KLHL1: variants seen among roughly 807,000 people sequenced by gnomAD.
The protein encoded by KLHL1 is kelch like family member 1.
A neutral mutation model predicts 77.7 loss-of-function variants in KLHL1; 47 were observed. The ratio of observed to expected loss-of-function variants is 0.60; its 90% CI spans 0.48 to 0.77. The LOEUF is 0.77. Ranked by LOEUF, KLHL1 falls within the 30% of genes least tolerant of loss-of-function variation. KLHL1 has a pLI of 0.00. For missense variants in KLHL1, 925 were observed against 910.8 expected, an observed-to-expected ratio of 1.02 and a Z score of -0.20; for synonymous variants, 360 against 325.2, an observed-to-expected ratio of 1.11 and a Z score of -1.15.
chr13:69,853,549 T>C (rs1219397471), intron 5 of KLHL1, among the ~76,000 whole-genome samples: 1 of 152,032 alleles, frequency 6.6e-6, no homozygotes, highest in African/African-American at 2.4e-5. Context: ...TCTTTACACA[T>C]GGCCCTCCTG....
chr13:69,899,843 A>G (rs1353893962), intron 4 of KLHL1, among the ~76,000 whole-genome samples: 2 of 152,188 alleles, frequency 1.3e-5, no homozygotes, highest in Middle Eastern at 3.4e-3. Context: ...AGCTCTCCAC[A>G]ATCTGGTAGA....
At chr13:70,097,133 TC>T (rs962226307) in intron 1 of KLHL1, among the ~76,000 whole-genome samples, 1 of 151,836 alleles carries the variant, frequency 6.6e-6, no homozygotes, top group Non-Finnish European at 1.5e-5. Flanking sequence ...TTTGAGAACT[TC>T]CCCCCACTAT....
intron 1 of KLHL1, among the ~76,000 whole-genome samples, chr13:70,041,531 G>T (rs796710175): frequency 2.0e-5 from 3 of 152,228 alleles, no homozygotes; most frequent in Admixed American, 6.5e-5. Flanking sequence ...GGGAGTTCAG[G>T]CTCCCTATTT....
At chr13:69,882,186 AT>A in intron 5 of KLHL1, 96 bp downstream of exon 5, 1 of 817,988 alleles carries the variant, frequency 1.2e-6, no homozygotes, top group East Asian at 2.5e-5. Flanking sequence ...GCATTTAAAA[AT>A]GTGAATACCT....
chr13:69,878,809 T>G (rs568439214), intron 5 of KLHL1, among the ~76,000 whole-genome samples: 4 of 152,158 alleles, frequency 2.6e-5, no homozygotes, highest in Non-Finnish European at 5.9e-5. Context: ...CACATATGTT[T>G]ATTGTGGCAC....
intron 9 of KLHL1, among the ~76,000 whole-genome samples, chr13:69,712,803 G>A (rs1373600559): frequency 8.8e-6 from 1 of 114,022 alleles, no homozygotes; most frequent in Non-Finnish European, 1.9e-5. Flanking sequence ...TTGCTTATTT[G>A]TTTTTGAGAC....
At chr13:69,805,694 A>C (rs941806582) in intron 6 of KLHL1, among the ~76,000 whole-genome samples, 4 of 151,368 alleles carry the variant, frequency 2.6e-5, no homozygotes, top group African/African-American at 4.8e-5. Context: ...AAAAAAACAA[A>C]AAAAAAAACA....
At position 69,996,345 on chromosome 13, in the gene KLHL1, A is replaced by C. The variant is rs550279036; in HGVS notation, c.498-20543T>G. On this transcript the variant is annotated intron_variant, in intron 1 of 10. Coordinates refer to ENST00000377844, the MANE Select transcript of KLHL1 (RefSeq NM_020866.3). ...AATTTAAAAAAGCCTTGAAATATTA[A>C]AGAGTAGAGATTCCATTATATTACA... 3.9e-5 allele frequency among the ~76,000 whole-genome samples: 6 copies of C among 152,150 alleles called. No homozygotes were observed. The East Asian group carries it at 1.2e-3, about 29-fold the overall frequency.
At chr13:69,991,976 A>G (rs985743299) in intron 1 of KLHL1, among the ~76,000 whole-genome samples, 8 of 152,046 alleles carry the variant, frequency 5.3e-5, no homozygotes, top group African/African-American at 1.9e-4. Context: ...GTCCCTGAAC[A>G]TCAACATCAG....
rs900134288 is a variant in KLHL1 at position 69,910,487 on chromosome 13, A to T, written c.1015-27992T>A. Among the ~76,000 whole-genome samples the T allele has an allele frequency of 2.0e-5, 3 of 152,074 alleles. No homozygotes were observed. The South Asian group carries it at 6.2e-4, about 31-fold the overall frequency. On this transcript the variant is annotated intron_variant, in intron 4 of 10. Transcript: ENST00000377844. ...TTGTTTATTCATACCACGGCCATCAAAATTATTTATTAAGAAACCACTACT... is the reference window on the plus strand; with the variant it reads ...TTGTTTATTCATACCACGGCCATCATAATTATTTATTAAGAAACCACTACT...
At chr13:69,884,027 T>A (rs1400345254) in intron 4 of KLHL1, among the ~76,000 whole-genome samples, 1 of 152,146 alleles carries the variant, frequency 6.6e-6, no homozygotes, top group Admixed American at 6.5e-5. Context: ...CAAAGAAGCA[T>A]TGTGACCGTG....
intron 1 of KLHL1, among the ~76,000 whole-genome samples, chr13:70,062,326 G>A (rs1055957503): frequency 4.6e-5 from 7 of 151,962 alleles, no homozygotes; most frequent in Non-Finnish European, 1.0e-4. Flanking sequence ...TAAACTATTG[G>A]ATAATTTAGA....
At chr13:69,982,477 AAT>A (rs1884740511) in intron 1 of KLHL1, among the ~76,000 whole-genome samples, 6 of 107,136 alleles carry the variant, frequency 5.6e-5, no homozygotes, top group African/African-American at 3.7e-4. Flanking sequence ...TAATAATAAT[AAT>A]AAAATAAAAA....
At position 69,932,952 on chromosome 13, in the gene KLHL1, T is replaced by G. The variant is rs1174991896; in HGVS notation, c.1014+7088A>C. ...TTTGATAACCATAAAAAAAGAGTTC[T>G]CCATCTAATTCAGGGACAAAGAATG... On this transcript the variant is annotated intron_variant, in intron 4 of 10. Transcript: ENST00000377844. Among the ~76,000 whole-genome samples, 4 of 151,938 alleles carry G rather than the reference T, an allele frequency of 2.6e-5. No individual in the cohort carries two copies. In the East Asian group the frequency reaches 7.7e-4, roughly 29 times the overall value.
At chr13:69,825,042 C>G (rs764751719) in intron 6 of KLHL1, among the ~76,000 whole-genome samples, 16 of 151,922 alleles carry the variant, frequency 1.1e-4, no homozygotes, top group African/African-American at 3.9e-4. Context: ...TAGATGGATA[C>G]GTATGTGATA....
At chr13:69,859,206 C>G (rs1880039328) in intron 5 of KLHL1, among the ~76,000 whole-genome samples, 1 of 151,358 alleles carries the variant, frequency 6.6e-6, no homozygotes, top group South Asian at 2.1e-4. Context: ...TGCTCCCATT[C>G]TTCTTTTTAG....
intron 6 of KLHL1, among the ~76,000 whole-genome samples, chr13:69,800,680 A>C (rs570338420): frequency 6.6e-6 from 1 of 152,084 alleles, no homozygotes; most frequent in South Asian, 2.1e-4. Context: ...TATCTAAGCC[A>C]CCTCATTCTA....
chr13:69,967,766 T>C (rs1208814496), intron 2 of KLHL1, among the ~76,000 whole-genome samples: 1 of 151,650 alleles, frequency 6.6e-6, no homozygotes. Context: ...GTGCCTGTAA[T>C]CCCAGCTACT....
chr13:69,893,667 C>A (rs1881519481), intron 4 of KLHL1, among the ~76,000 whole-genome samples: 1 of 152,072 alleles, frequency 6.6e-6, no homozygotes, highest in Non-Finnish European at 1.5e-5. Flanking sequence ...AAAGTTGGTA[C>A]AAAACATAAA....
Sources: gnomAD v4.1 joint callset for allele counts (sites outside exome capture counted in the v4.1 genomes callset) on GRCh38, gnomAD v4.1.1 for gene constraint, MANE v1.5 for transcripts, NCBI Gene and HGNC (gene_info 2026-07-23, HGNC 2026-07-21) for gene names.